Variants in PROM1 observed in about 807,000 individuals in gnomAD.
The protein encoded by PROM1 is prominin 1, also known as prominin-1.
In PROM1, 105 loss-of-function variants were observed where a neutral mutation model predicts 116.9. That is an observed-to-expected ratio of 0.90 (90% CI 0.77 to 1.06). PROM1 has a LOEUF of 1.06. PROM1 is among the 50% of genes least tolerant of loss of function. The pLI, the probability that PROM1 is intolerant of heterozygous loss-of-function variation, is 0.00. For synonymous variants in PROM1, 393 were observed against 387.0 expected (o/e 1.02, Z -0.18); for missense variants, 1,122 against 1,045.2 (o/e 1.07, Z -1.01).
intron 2 of PROM1, among the ~76,000 whole-genome samples, chr4:16,062,431 A>G (rs1379371466): frequency 2.6e-5 from 4 of 152,204 alleles, no homozygotes; most frequent in African/African-American, 4.8e-5. Context: ...TGAATAATAA[A>G]TAAATACTAC....
chr4:16,067,295 T>C (rs1230625451), intron 2 of PROM1, among the ~76,000 whole-genome samples: 2 of 152,214 alleles, frequency 1.3e-5, no homozygotes, highest in African/African-American at 4.8e-5. Context: ...TGAGTCTCAC[T>C]TTCCTCATCA....
At chr4:16,074,044 C>G (rs991316754) in intron 2 of PROM1, among the ~76,000 whole-genome samples, 3 of 152,084 alleles carry the variant, frequency 2.0e-5, no homozygotes. Context: ...AATTCATATT[C>G]GACAACTGAA....
intron 11 of PROM1, among the ~76,000 whole-genome samples, chr4:16,010,884 G>C (rs756923250): frequency 3.3e-5 from 5 of 152,164 alleles, no homozygotes; most frequent in Non-Finnish European, 7.3e-5. Context: ...AGAGTGTCAG[G>C]TGTTTGGGTG....
chr4:16,025,321 A>G lies in PROM1; in HGVS notation c.510-9T>C. The G allele has an allele frequency of 6.2e-7, 1 of 1,613,532 alleles. No homozygotes were observed. The highest frequency in any genetic ancestry group is 8.5e-7 in the Non-Finnish European group (1 of 1,179,550). ...CATAGAAGATGCCAATGCTGCAGGA[A>G]AAGGCAGAGAGAAGAAAGAGCATTT... On this transcript the variant is annotated splice_polypyrimidine_tract_variant and intron_variant, in intron 5 of 27. Coordinates refer to ENST00000447510, the MANE Select transcript of PROM1 (RefSeq NM_006017.3).
At chr4:16,000,130 G>C (rs1431998857) in intron 14 of PROM1, among the ~76,000 whole-genome samples, 2 of 152,200 alleles carry the variant, frequency 1.3e-5, no homozygotes, top group Non-Finnish European at 1.5e-5. Context: ...GGGTGTGTGG[G>C]AGGAACCTGG....
intron 15 of PROM1, 73 bp from the exon 16 acceptor site, chr4:15,994,144 G>C: frequency 6.3e-7 from 1 of 1,597,644 alleles, no homozygotes; most frequent in Non-Finnish European, 8.5e-7. Flanking sequence ...CTGAAGATGA[G>C]GAGAAAGGCT....
chr4:15,982,240 G>A (rs1229520213), intron 23 of PROM1, among the ~76,000 whole-genome samples: 1 of 152,124 alleles, frequency 6.6e-6, no homozygotes, highest in African/African-American at 2.4e-5. Flanking sequence ...ATGCCACTTG[G>A]AAATAACACC....
chr4:16,009,430 T>C (rs953407075), intron 11 of PROM1, among the ~76,000 whole-genome samples: 2 of 152,230 alleles, frequency 1.3e-5, no homozygotes, highest in African/African-American at 4.8e-5. Context: ...CAGGCACTTT[T>C]ATAAATAGTA....
At chr4:16,048,103 C>T (rs1736953530) in intron 2 of PROM1, among the ~76,000 whole-genome samples, 5 of 152,170 alleles carry the variant, frequency 3.3e-5, no homozygotes, top group Admixed American at 2.0e-4. Context: ...CCTTCCAGCA[C>T]TCCCATTTGG....
At chr4:16,026,202 A>T (rs142294301) in intron 5 of PROM1, among the ~76,000 whole-genome samples, 337 of 152,352 alleles carry the variant, frequency 2.2e-3, no homozygotes, top group African/African-American at 7.5e-3. Context: ...AAGCCATCTA[A>T]AATGTCTAAT....
intron 26 of PROM1, among the ~76,000 whole-genome samples, chr4:15,976,962 G>A (rs1014949266): frequency 2.0e-5 from 3 of 152,194 alleles, no homozygotes; most frequent in Non-Finnish European, 4.4e-5. Context: ...TGGGGGAGGA[G>A]GGGGTGCAAA....
intron 2 of PROM1, among the ~76,000 whole-genome samples, chr4:16,074,551 A>G (rs895253203): frequency 7.2e-5 from 11 of 152,164 alleles, no homozygotes; most frequent in African/African-American, 2.7e-4. Flanking sequence ...CAACATAAAC[A>G]GTAAGTAGCA....
intron 13 of PROM1, chr4:16,003,470 G>A (rs1359018752): frequency 2.2e-6 from 1 of 452,992 alleles, no homozygotes; most frequent in African/African-American, 2.0e-5. Context: ...CCATAGGAAT[G>A]TGCCCAGTTT....
At chr4:15,969,725 G>GCCA (rs1315235396) in intron 27 of PROM1, among the ~76,000 whole-genome samples, 2 of 151,358 alleles carry the variant, frequency 1.3e-5, no homozygotes, top group East Asian at 3.9e-4. Context: ...ACAGGCACCT[G>GCCA]CCACCATGCC....
intron 2 of PROM1, among the ~76,000 whole-genome samples, chr4:16,071,470 G>A (rs941329384): frequency 6.6e-6 from 1 of 152,312 alleles, no homozygotes; most frequent in South Asian, 2.1e-4. Context: ...GTGTTGAAGC[G>A]TTAACCCCTG....
At chr4:16,003,128 A>G in intron 13 of PROM1, 2 of 360,916 alleles carry the variant, frequency 5.5e-6, no homozygotes, top group South Asian at 4.2e-5. Flanking sequence ...CCCCTTTCAA[A>G]TGCATTATCT....
intron 4 of PROM1, among the ~76,000 whole-genome samples, chr4:16,035,508 A>T (rs1733751079): frequency 6.6e-6 from 1 of 152,248 alleles, no homozygotes; most frequent in Non-Finnish European, 1.5e-5. Context: ...AAGGCCTGTC[A>T]CTACTTAAAC....
At chr4:16,003,889 A>G (rs1203988299) in intron 13 of PROM1, among the ~76,000 whole-genome samples, 1 of 152,208 alleles carries the variant, frequency 6.6e-6, no homozygotes, top group Non-Finnish European at 1.5e-5. Flanking sequence ...TTTCACTGGT[A>G]TCCTTTTGGG....
chr4:15,999,132 G>A (rs1350734052), intron 14 of PROM1, among the ~76,000 whole-genome samples: 6 of 152,108 alleles, frequency 3.9e-5, no homozygotes, highest in African/African-American at 1.4e-4. Context: ...ATTAAGTGGT[G>A]GACCCAGTGC....
Sources: gnomAD v4.1 joint callset for allele counts (sites outside exome capture counted in the v4.1 genomes callset) on GRCh38, gnomAD v4.1.1 for gene constraint, MANE v1.5 for transcripts, NCBI Gene and HGNC (gene_info 2026-07-23, HGNC 2026-07-21) for gene names.